Variants in CDYL observed in about 807,000 individuals in gnomAD.
CDYL encodes the protein chromodomain Y like.
Under a neutral mutation model 47.3 loss-of-function variants are expected in CDYL, and 8 were observed. The observed-to-expected ratio is 0.17, with a 90% CI of 0.10 to 0.31. CDYL has a LOEUF of 0.31. CDYL is among the 10% of genes least tolerant of loss of function. The pLI, the probability that CDYL is intolerant of heterozygous loss-of-function variation, is 1.00. For synonymous variants in CDYL, 266 were observed against 265.0 expected, an observed-to-expected ratio of 1.00 and a Z score of -0.04; for missense variants, 471 against 701.4, an observed-to-expected ratio of 0.67 and a Z score of 3.71.
chr6:4,940,364 C>T (rs760507099), intron 4 of CDYL, among the ~76,000 whole-genome samples: 1 of 152,144 alleles, frequency 6.6e-6, no homozygotes, highest in Non-Finnish European at 1.5e-5. Flanking sequence ...TTCTTATTTG[C>T]ATTTAAATTA....
intron 2 of CDYL, among the ~76,000 whole-genome samples, chr6:4,730,674 CAA>C (rs56956798): frequency 1.2e-3 from 74 of 60,440 alleles, no homozygotes; most frequent in African/African-American, 3.4e-3. Flanking sequence ...AATTCCATCT[CAA>C]AAAAAAAAAA....
chr6:4,874,366 C>G (rs2127474757), intron 1 of CDYL, among the ~76,000 whole-genome samples: 1 of 152,170 alleles, frequency 6.6e-6, no homozygotes, highest in East Asian at 1.9e-4. Flanking sequence ...TGTTTCTGTT[C>G]AGCGTTGGCG....
intron 3 of CDYL, among the ~76,000 whole-genome samples, chr6:4,759,191 G>A (rs575771502): frequency 1.3e-5 from 2 of 151,974 alleles, no homozygotes; most frequent in Non-Finnish European, 1.5e-5. Context: ...GGATGGTCTC[G>A]ATCTCCTGAC....
chr6:4,879,876 CTA>C (rs543715971), intron 1 of CDYL, among the ~76,000 whole-genome samples: 116 of 152,162 alleles, frequency 7.6e-4, no homozygotes, highest in African/African-American at 2.6e-3. Flanking sequence ...TTTTAATAGA[CTA>C]TTTTTTTAAA....
intron 2 of CDYL, among the ~76,000 whole-genome samples, chr6:4,923,914 AAAAT>A (rs1757793270): frequency 6.6e-6 from 1 of 151,644 alleles, no homozygotes; most frequent in Admixed American, 6.6e-5. Flanking sequence ...AAAAAAAAAA[AAAAT>A]CAAAAAAAAA....
intron 3 of CDYL, among the ~76,000 whole-genome samples, chr6:4,767,942 T>C (rs891906191): frequency 1.3e-5 from 2 of 152,178 alleles, no homozygotes; most frequent in Non-Finnish European, 2.9e-5. Context: ...CCAACCACTT[T>C]CTCTTCATAG....
At chr6:4,777,674 C>T (rs1007625315) in intron 1 of CDYL, among the ~76,000 whole-genome samples, 1 of 152,188 alleles carries the variant, frequency 6.6e-6, no homozygotes, top group Non-Finnish European at 1.5e-5. Flanking sequence ...ACTCTCTAGA[C>T]TCACCTTTAT....
In CDYL at chr6:4,863,799, A is replaced by G. The variant is rs1286691442; in HGVS notation, c.25-27914A>G. 3.3e-5 allele frequency among the ~76,000 whole-genome samples: 5 copies of G among 152,242 alleles called. No homozygotes were observed. The East Asian group carries it at 9.6e-4, about 29-fold the overall frequency. The stretch of plus-strand genomic sequence containing the variant: ...GCTTAATTTTTAATGCCTGCATTGG[A>G]ATAAACCTGTATCCCATTTCCTTTC... On this transcript the variant is annotated intron_variant, in intron 1 of 6. Transcript: ENST00000397588.
chr6:4,894,747 C>A (rs1762146198), intron 2 of CDYL, among the ~76,000 whole-genome samples: 1 of 152,112 alleles, frequency 6.6e-6, no homozygotes. Flanking sequence ...CTGCATCTGA[C>A]CTACTTGGCT....
intron 2 of CDYL, among the ~76,000 whole-genome samples, chr6:4,920,955 G>A (rs757602980): frequency 4.6e-5 from 7 of 151,860 alleles, no homozygotes; most frequent in Non-Finnish European, 8.8e-5. Flanking sequence ...GTGTTTGTAT[G>A]TATGTGTGGC....
intron 1 of CDYL, among the ~76,000 whole-genome samples, chr6:4,873,760 G>A (rs1271081050): frequency 6.6e-6 from 1 of 152,166 alleles, no homozygotes; most frequent in Non-Finnish European, 1.5e-5. Flanking sequence ...ATGAAGTTTA[G>A]CATTCCTGTG....
chr6:4,905,853 T>A (rs930005429), intron 2 of CDYL, among the ~76,000 whole-genome samples: 1 of 152,230 alleles, frequency 6.6e-6, no homozygotes, highest in Non-Finnish European at 1.5e-5. Context: ...ATGCATAGAT[T>A]GCATAGGGAT....
At chr6:4,793,493 G>A (rs995076016) in intron 1 of CDYL, among the ~76,000 whole-genome samples, 1 of 152,164 alleles carries the variant, frequency 6.6e-6, no homozygotes, top group African/African-American at 2.4e-5. Flanking sequence ...GAGGTTGGGG[G>A]TACTTGTAGG....
At chr6:4,796,188 C>G (rs1004123140) in intron 1 of CDYL, among the ~76,000 whole-genome samples, 9 of 152,142 alleles carry the variant, frequency 5.9e-5, no homozygotes, top group Non-Finnish European at 1.2e-4. Flanking sequence ...CTGCCTCGGC[C>G]TCACAAAGTG....
At chr6:4,733,888 G>A (rs1490796204) in intron 2 of CDYL, among the ~76,000 whole-genome samples, 2 of 135,586 alleles carry the variant, frequency 1.5e-5, no homozygotes, top group East Asian at 2.2e-4. Flanking sequence ...GTCTCACTCT[G>A]TTACCCAGGT....
chr6:4,866,376 T>C (rs1362536702), intron 1 of CDYL, among the ~76,000 whole-genome samples: 1 of 152,152 alleles, frequency 6.6e-6, no homozygotes, highest in African/African-American at 2.4e-5. Context: ...AGTGGCAGTT[T>C]ATCAAGTAGA....
At chr6:4,752,873 T>A (rs531470489) in intron 3 of CDYL, among the ~76,000 whole-genome samples, 14 of 147,506 alleles carry the variant, frequency 9.5e-5, no homozygotes, top group African/African-American at 3.7e-4. Context: ...GATAGGTAGG[T>A]AGGTAGGTAT....
At chr6:4,918,371 C>G (rs914663087) in intron 2 of CDYL, among the ~76,000 whole-genome samples, 6 of 124,620 alleles carry the variant, frequency 4.8e-5, no homozygotes, top group South Asian at 4.8e-4. Context: ...GATGTTCTGC[C>G]CCCCCCCCTT....
chr6:4,911,939 A>G (rs963301233), intron 2 of CDYL, among the ~76,000 whole-genome samples: 4 of 152,232 alleles, frequency 2.6e-5, no homozygotes, highest in Non-Finnish European at 5.9e-5. Flanking sequence ...AGTTTCAGAG[A>G]AAGAGACAAA....
Sources: gnomAD v4.1 joint callset for allele counts (sites outside exome capture counted in the v4.1 genomes callset) on GRCh38, gnomAD v4.1.1 for gene constraint, MANE v1.5 for transcripts, NCBI Gene and HGNC (gene_info 2026-07-23, HGNC 2026-07-21) for gene names.